The following GPC5 variants were observed in gnomAD, a reference collection of about 807,000 sequenced individuals.
GPC5 encodes glypican 5.
A neutral mutation model predicts 53.9 loss-of-function variants in GPC5; 47 were observed. That is an observed-to-expected ratio of 0.87 (90% CI 0.69 to 1.11). The LOEUF is 1.11. Among genes scored for constraint, GPC5 ranks in the 50% most tolerant of loss-of-function variants. GPC5 has a pLI of 0.00. For missense variants in GPC5, 748 were observed against 713.1 expected, an observed-to-expected ratio of 1.05 and a Z score of -0.56; for synonymous variants, 286 against 263.3, an observed-to-expected ratio of 1.09 and a Z score of -0.84.
intron 7 of GPC5, among the ~76,000 whole-genome samples, chr13:92,367,545 G>T (rs2043616127): frequency 6.6e-6 from 1 of 152,150 alleles, no homozygotes; most frequent in Admixed American, 6.5e-5. Flanking sequence ...ATTGGTAAGA[G>T]ATATTTTGTA....
chr13:91,432,184 A>ACTGCTG (rs1260967783), intron 1 of GPC5, among the ~76,000 whole-genome samples: 1,402 of 129,068 alleles, frequency 0.011, 41 homozygotes, highest in Non-Finnish European at 0.013. Context: ...TGCTGCTTCC[A>ACTGCTG]CTGCTGCTGC....
At chr13:91,739,470 T>A (rs2036883229) in intron 4 of GPC5, among the ~76,000 whole-genome samples, 1 of 151,464 alleles carries the variant, frequency 6.6e-6, no homozygotes, top group South Asian at 2.1e-4. Flanking sequence ...TGTTAGGAAT[T>A]TGGGAGCTAA....
chr13:91,833,575 G>A (rs969883086), intron 5 of GPC5, among the ~76,000 whole-genome samples: 10 of 152,000 alleles, frequency 6.6e-5, no homozygotes, highest in Non-Finnish European at 1.3e-4. Context: ...TTGATCCCTG[G>A]GATGGTTCAA....
chr13:92,299,500 A>T (rs1403652762), intron 7 of GPC5, among the ~76,000 whole-genome samples: 5 of 152,238 alleles, frequency 3.3e-5, no homozygotes, highest in Non-Finnish European at 1.5e-5. Flanking sequence ...AACTACTTGT[A>T]AATGAAAATA....
Position 92,789,951 on chromosome 13 carries a change from C to T in GPC5, c.1562-76331C>T, listed in dbSNP as rs1023838110. 2.0e-5 allele frequency among the ~76,000 whole-genome samples: 3 copies of T among 152,200 alleles called. No individual in the cohort carries two copies. In the South Asian group the frequency reaches 6.2e-4, roughly 32 times the overall value. ...TGGCCAAAAGCCTGACAGCCCTTGG[C>T]AAACCACTGGTGTAAGTCCAAGAGT... On this transcript the variant is annotated intron_variant, in intron 7 of 7. Coordinates refer to ENST00000377067, the MANE Select transcript of GPC5 (RefSeq NM_004466.6).
chr13:91,735,326 A>C (rs1400165052), intron 4 of GPC5, among the ~76,000 whole-genome samples: 1 of 151,126 alleles, frequency 6.6e-6, no homozygotes, highest in Non-Finnish European at 1.5e-5. Flanking sequence ...AAAACCCTAA[A>C]ACAGTCCATC....
chr13:92,125,999 G>A (rs1214715002), intron 6 of GPC5, among the ~76,000 whole-genome samples: 3 of 110,066 alleles, frequency 2.7e-5, no homozygotes, highest in South Asian at 3.2e-4. Flanking sequence ...TTGTTGCCCC[G>A]GCTGGAGTGC....
chr13:92,022,769 T>G (rs1044158501), intron 6 of GPC5, among the ~76,000 whole-genome samples: 8 of 152,002 alleles, frequency 5.3e-5, no homozygotes, highest in Non-Finnish European at 7.4e-5. Context: ...TCATTTTAAT[T>G]GTTAGCATTC....
chr13:92,597,935 C>T (rs1424732307), intron 7 of GPC5, among the ~76,000 whole-genome samples: 1 of 152,176 alleles, frequency 6.6e-6, no homozygotes, highest in African/African-American at 2.4e-5. Flanking sequence ...TTGCTGTGTT[C>T]CCTTGAGAGC....
At chr13:91,445,147 G>A (rs546333788) in intron 1 of GPC5, among the ~76,000 whole-genome samples, 7 of 152,040 alleles carry the variant, frequency 4.6e-5, no homozygotes, top group African/African-American at 1.5e-4. Context: ...TCAGCATATC[G>A]TTATTTTTTC....
intron 7 of GPC5, among the ~76,000 whole-genome samples, chr13:92,697,274 T>A (rs1434510021): frequency 1.3e-5 from 2 of 152,182 alleles, no homozygotes; most frequent in Non-Finnish European, 1.5e-5. Context: ...ATTGAATCTA[T>A]AAATTAATTT....
At chr13:92,180,353 CAA>C (rs1450330198) in intron 7 of GPC5, among the ~76,000 whole-genome samples, 3 of 152,018 alleles carry the variant, frequency 2.0e-5, no homozygotes, top group African/African-American at 7.2e-5. Flanking sequence ...TCCAATAAAA[CAA>C]AAGAAAATTG....
intron 5 of GPC5, among the ~76,000 whole-genome samples, chr13:91,879,329 A>G (rs1245257322): frequency 1.3e-5 from 2 of 152,206 alleles, no homozygotes; most frequent in Non-Finnish European, 1.5e-5. Flanking sequence ...GGACATATCT[A>G]TAACTACTTT....
chr13:92,418,176 G>C (rs1245821053), intron 7 of GPC5, among the ~76,000 whole-genome samples: 1 of 152,160 alleles, frequency 6.6e-6, no homozygotes, highest in East Asian at 1.9e-4. Context: ...AAGATAATGA[G>C]TGACTGCTAA....
At chr13:92,307,786 A>T (rs1455086127) in intron 7 of GPC5, among the ~76,000 whole-genome samples, 2 of 152,258 alleles carry the variant, frequency 1.3e-5, no homozygotes, top group Non-Finnish European at 2.9e-5. Context: ...CATACAGAAA[A>T]TCTAAAATAA....
chr13:92,325,132 G>A (rs906971728), intron 7 of GPC5, among the ~76,000 whole-genome samples: 2 of 113,218 alleles, frequency 1.8e-5, no homozygotes, highest in Admixed American at 1.8e-4. Context: ...ACACACACAC[G>A]TAGGTATATA....
chr13:91,454,973 G>A (rs1566413625), intron 2 of GPC5, among the ~76,000 whole-genome samples: 1 of 152,034 alleles, frequency 6.6e-6, no homozygotes, highest in Non-Finnish European at 1.5e-5. Flanking sequence ...TATGTGTTGA[G>A]TAAAGGACAG....
chr13:91,629,346 A>T (rs1566565800), intron 2 of GPC5, among the ~76,000 whole-genome samples: 3 of 152,126 alleles, frequency 2.0e-5, no homozygotes, highest in South Asian at 4.2e-4. Flanking sequence ...AATTATTTAA[A>T]TTTATTTTTT....
At chr13:92,506,573 C>G (rs948602739) in intron 7 of GPC5, among the ~76,000 whole-genome samples, 3 of 152,238 alleles carry the variant, frequency 2.0e-5, no homozygotes, top group Admixed American at 2.0e-4. Context: ...CAACAGTTAA[C>G]CAAACTTATA....
Sources: allele counts gnomAD v4.1 joint callset (sites outside exome capture counted in the v4.1 genomes callset), GRCh38; gene constraint gnomAD v4.1.1; transcripts MANE v1.5; gene names NCBI Gene and HGNC (gene_info 2026-07-23, HGNC 2026-07-21).